The following MID1 variants were observed in gnomAD, a reference collection of about 807,000 sequenced individuals.
MID1 encodes the protein E3 ubiquitin-protein ligase Midline-1.
MID1 carries 7 observed loss-of-function variants against 40.4 expected under a neutral mutation model. That is an observed-to-expected ratio of 0.17 (90% CI 0.10 to 0.33). MID1 has a LOEUF of 0.33. Ranked by LOEUF, MID1 falls within the 10% of genes least tolerant of loss-of-function variation. The pLI, the probability that MID1 is intolerant of heterozygous loss-of-function variation, is 1.00. For synonymous variants in MID1, 229 were observed against 221.2 expected (o/e 1.04, Z -0.31); for missense variants, 367 against 558.5 (o/e 0.66, Z 3.46).
intron 1 of MID1, among the ~76,000 whole-genome samples, chrX:10,609,338 C>T (rs948576471): frequency 3.4e-4 from 38 of 111,817 alleles, no homozygotes; most frequent in Admixed American, 1.2e-3. Flanking sequence ...TTCTCTGAAA[C>T]CTTAAGTTTG....
chrX:10,596,537 C>T (rs1055180487), intron 1 of MID1, among the ~76,000 whole-genome samples: 3 of 111,746 alleles, frequency 2.7e-5, no homozygotes, highest in South Asian at 7.5e-4. Context: ...ACTTGTCCAC[C>T]CCATTAATTA....
intron 1 of MID1, among the ~76,000 whole-genome samples, chrX:10,799,810 A>G (rs2043993423): frequency 8.9e-6 from 1 of 111,913 alleles, no homozygotes; most frequent in South Asian, 3.8e-4. Context: ...TTATTCCCAT[A>G]TTTCCCAAAG....
intron 2 of MID1, among the ~76,000 whole-genome samples, chrX:10,547,521 G>A (rs1329716912): frequency 3.4e-5 from 3 of 88,777 alleles, no homozygotes; most frequent in Admixed American, 2.9e-4. Flanking sequence ...GCGGTGAGCC[G>A]AGATCACATC....
chrX:10,533,435 G>GAAAGAA (rs1329741596), intron 2 of MID1, among the ~76,000 whole-genome samples: 1 of 75,762 alleles, frequency 1.3e-5, no homozygotes, highest in Non-Finnish European at 2.5e-5. Context: ...AAGAAAGAAA[G>GAAAGAA]AGAAAGAAAA....
In MID1 at chrX:10,799,248, G is replaced by A. The variant is rs148481609; in HGVS notation, c.-187+34306C>T. Among the ~76,000 whole-genome samples, 201 of 110,918 alleles carry A rather than the reference G, an allele frequency of 1.8e-3. 4 individuals carry two copies. The East Asian group carries it at 0.044, about 24-fold the overall frequency. On this transcript the variant is annotated intron_variant, in intron 1 of 10. Coordinates refer to the MID1 transcript ENST00000380785. ...TATGAATTTCACTTGTCCTTTTTCC[G>A]TTTTTTTCACCTCAAGCAAATAATT...
intron 9 of MID1, among the ~76,000 whole-genome samples, chrX:10,450,575 T>G (rs1306232483): frequency 3.6e-5 from 4 of 112,413 alleles, no homozygotes; most frequent in African/African-American, 1.3e-4. Flanking sequence ...GAATTTGAAC[T>G]CAGGATGACT....
At chrX:10,724,015 T>G (rs1365882570) in intron 1 of MID1, among the ~76,000 whole-genome samples, 1 of 112,087 alleles carries the variant, frequency 8.9e-6, no homozygotes, top group Non-Finnish European at 1.9e-5. Context: ...TGGACCATCT[T>G]CAGTGGCATC....
At chrX:10,796,645 T>C (rs1390713611) in intron 1 of MID1, among the ~76,000 whole-genome samples, 2 of 110,148 alleles carry the variant, frequency 1.8e-5, no homozygotes, top group African/African-American at 3.3e-5. Flanking sequence ...TTCAGGGTGA[T>C]TGGCCAGAAA....
At chrX:10,515,326 G>A (rs1345679440) in intron 3 of MID1, among the ~76,000 whole-genome samples, 1 of 111,705 alleles carries the variant, frequency 9.0e-6, no homozygotes, top group Non-Finnish European at 1.9e-5. Context: ...TTCTTACAAG[G>A]TACATATCAC....
intron 1 of MID1, among the ~76,000 whole-genome samples, chrX:10,782,501 G>A (rs753296396): frequency 8.9e-5 from 10 of 111,775 alleles, no homozygotes; most frequent in Non-Finnish European, 1.9e-4. Flanking sequence ...TCCTCAGGCC[G>A]ATATTCAGAT....
chrX:10,640,624 A>C (rs1936181101), intron 1 of MID1, among the ~76,000 whole-genome samples: 1 of 111,391 alleles, frequency 9.0e-6, no homozygotes, highest in African/African-American at 3.3e-5. Flanking sequence ...AAAGTTAACA[A>C]GGATATCCAG....
rs1765052740 is a variant in MID1, at chrX:10,459,665, A to G, written c.1428T>C (p.Pro476=). The stretch of plus-strand genomic sequence containing the variant: ...ACTTACTGTTTGTCTTCAACTTCCC[A>G]GGCTCACTGCTGCGGCTGCCCGCCT... ...INQAGSRSSE[P]GKLKTNSQPF... The change falls in exon 8 of 10, where the codon CCT becomes CCC. Residue 476 remains proline, a synonymous_variant. Coordinates refer to ENST00000317552, the MANE Select transcript of MID1 (RefSeq NM_000381.4). The G allele has an allele frequency of 1.7e-6, 2 of 1,211,527 alleles. No individual in the cohort carries two copies. The highest frequency in any genetic ancestry group is 2.2e-6 in the Non-Finnish European group (2 of 895,515).
chrX:10,601,894 T>A (rs1171313340), intron 1 of MID1, among the ~76,000 whole-genome samples: 1 of 106,160 alleles, frequency 9.4e-6, no homozygotes, highest in African/African-American at 3.6e-5. Flanking sequence ...TTTTTGTTTT[T>A]GTTTTTGTTT....
chrX:10,720,849 C>G (rs1347496831), intron 1 of MID1, among the ~76,000 whole-genome samples: 2 of 109,107 alleles, frequency 1.8e-5, no homozygotes, highest in African/African-American at 6.7e-5. Context: ...ACATATACAC[C>G]ATGGAATACT....
chrX:10,768,917 A>T (rs1353799731), intron 1 of MID1, among the ~76,000 whole-genome samples: 2 of 111,772 alleles, frequency 1.8e-5, no homozygotes, highest in East Asian at 2.8e-4. Context: ...GGTGCCACAA[A>T]ACAAAGTATA....
intron 1 of MID1, among the ~76,000 whole-genome samples, chrX:10,637,505 A>T (rs1268689256): frequency 1.8e-5 from 2 of 109,330 alleles, no homozygotes; most frequent in African/African-American, 6.7e-5. Flanking sequence ...CACGCCTGTA[A>T]TCCCAGCTAC....
intron 1 of MID1, among the ~76,000 whole-genome samples, chrX:10,687,264 C>A (rs2043105260): frequency 9.0e-6 from 1 of 111,494 alleles, no homozygotes; most frequent in Non-Finnish European, 1.9e-5. Flanking sequence ...GAGACAAAAC[C>A]TCCCAAGGAT....
intron 3 of MID1, chrX:10,505,692 A>G: frequency 1.3e-6 from 1 of 754,514 alleles, no homozygotes; most frequent in Non-Finnish European, 1.6e-6. Flanking sequence ...GAGTGCCAGG[A>G]AAGATGGAGG....
intron 1 of MID1, among the ~76,000 whole-genome samples, chrX:10,728,631 A>G (rs2043417050): frequency 8.9e-6 from 1 of 112,325 alleles, no homozygotes; most frequent in Admixed American, 9.4e-5. Flanking sequence ...ATTATCAGGA[A>G]TGAGATCCGT....
Sources: gnomAD v4.1 joint callset for allele counts (sites outside exome capture counted in the v4.1 genomes callset) on GRCh38, gnomAD v4.1.1 for gene constraint, MANE v1.5 for transcripts, NCBI Gene and HGNC (gene_info 2026-07-23, HGNC 2026-07-21) for gene names.